Variants in SMG1 observed in about 807,000 individuals in gnomAD.
SMG1 encodes serine/threonine-protein kinase SMG1.
A neutral mutation model predicts 419.9 loss-of-function variants in SMG1; 22 were observed. That is an observed-to-expected ratio of 0.05 (90% CI 0.04 to 0.07). The LOEUF (loss-of-function observed/expected upper bound fraction) is 0.07, where lower values mean the gene tolerates loss of function less well. Among genes scored for constraint, SMG1 ranks in the 10% least tolerant of loss-of-function variants. The pLI, the probability that SMG1 is intolerant of heterozygous loss-of-function variation, is 1.00. For missense variants in SMG1, 3,185 were observed against 4,342.0 expected, an observed-to-expected ratio of 0.73 and a Z score of 7.49; for synonymous variants, 1,538 against 1,553.5, an observed-to-expected ratio of 0.99 and a Z score of 0.23.
intron 56 of SMG1, 118 bp downstream of exon 56, chr16:18,819,384 G>C: frequency 9.3e-7 from 1 of 1,078,672 alleles, no homozygotes; most frequent in Admixed American, 2.2e-5. Flanking sequence ...CCTCCTCCCA[G>C]GGCTGTGAGC....
chr16:18,882,860 C>G (rs977028032), intron 9 of SMG1, among the ~76,000 whole-genome samples: 1 of 152,096 alleles, frequency 6.6e-6, no homozygotes, highest in African/African-American at 2.4e-5. Flanking sequence ...ATACTAGAAC[C>G]AATGTATGCA....
intron 1 of SMG1, among the ~76,000 whole-genome samples, chr16:18,906,778 A>G (rs2037579223): frequency 6.6e-6 from 1 of 152,144 alleles, no homozygotes; most frequent in African/African-American, 2.4e-5. Context: ...CACTTCTTCT[A>G]GCTCCTTAAC....
chr16:18,923,158 T>C (rs149041173), intron 1 of SMG1, among the ~76,000 whole-genome samples: 13,515 of 152,210 alleles, frequency 0.089, 748 homozygotes, highest in African/African-American at 0.16. Flanking sequence ...TATAAATGCT[T>C]ACTGTTGGAG....
intron 56 of SMG1, 44 bp from the exon 57 acceptor site, chr16:18,817,514 G>A (rs372178922): frequency 2.8e-6 from 4 of 1,445,326 alleles, no homozygotes; most frequent in African/African-American, 1.4e-5. Flanking sequence ...TGGGAGGAAG[G>A]TGGGAAAGGG....
intron 58 of SMG1, 139 bp from the exon 59 acceptor site, chr16:18,815,790 G>A (rs2141108390): frequency 4.8e-6 from 3 of 629,356 alleles, no homozygotes; most frequent in Middle Eastern, 4.3e-4. Context: ...CATTTTTATA[G>A]GAACTTTGTT....
In SMG1 at chr16:18,827,538, A is replaced by G. The variant is rs1240216785; in HGVS notation, c.9741+493T>C. Among the ~76,000 whole-genome samples the G allele has an allele frequency of 2.1e-5, 3 of 145,712 alleles. 1 individual carries two copies. The highest frequency in any genetic ancestry group is 7.5e-5 in the African/African-American group (3 of 40,128). On this transcript the variant is annotated intron_variant, in intron 55 of 62. Coordinates refer to ENST00000446231, the MANE Select transcript of SMG1 (RefSeq NM_015092.5). ...ATATATCTTTGGTATAAATATACCAAAATATATTTTTTTATATATCTTTGG... is the reference window on the plus strand; with the variant it reads ...ATATATCTTTGGTATAAATATACCAGAATATATTTTTTTATATATCTTTGG...
rs539301074 is a variant in SMG1, at chr16:18,812,292, A to T, written c.10622-165T>A. 7.0e-5 allele frequency: 43 copies of T among 613,784 alleles called. No homozygotes were observed. The Admixed American group carries it at 8.9e-4, about 13-fold the overall frequency. 38.0% of individuals were successfully genotyped at this position (613,784 alleles called of 1,614,324 possible). ...AATTGTCTTCCTAAAAATGTAGCCTAAAAACAGCCAGACATTCAGGTATGA... is the reference window on the plus strand; with the variant it reads ...AATTGTCTTCCTAAAAATGTAGCCTTAAAACAGCCAGACATTCAGGTATGA... On this transcript the variant is annotated intron_variant, in intron 60 of 62. Transcript: ENST00000446231.
chr16:18,868,389 T>G, intron 21 of SMG1, 35 bp from the exon 22 acceptor site: 1 of 1,202,818 alleles, frequency 8.3e-7, no homozygotes. Flanking sequence ...TCAGGACTGG[T>G]TCAATTTGTA....
At position 18,809,534 on chromosome 16, in the gene SMG1, C is replaced by A. The variant is rs940131688; in HGVS notation, c.*35G>T. The stretch of plus-strand genomic sequence containing the variant: ...TGAGTTGATTCTGGTGGATGTCTGA[C>A]CTCGCTTAACCAGACTCATCTACTG... On this transcript the variant is annotated 3_prime_UTR_variant, in exon 63 of 63. Coordinates refer to ENST00000446231, the MANE Select transcript of SMG1 (RefSeq NM_015092.5). 17 of 1,535,692 alleles carry A rather than the reference C, an allele frequency of 1.1e-5. 1 individual carries two copies. The Admixed American group carries it at 2.8e-4, about 25-fold the overall frequency.
intron 39 of SMG1, 89 bp from the exon 40 acceptor site, chr16:18,842,543 A>T: frequency 7.4e-7 from 1 of 1,351,738 alleles, no homozygotes; most frequent in Non-Finnish European, 1.0e-6. Context: ...AGTAAATTTT[A>T]GGTCACGGCG....
At chr16:18,895,573 T>C (rs180771489) in intron 3 of SMG1, among the ~76,000 whole-genome samples, 1 of 151,598 alleles carries the variant, frequency 6.6e-6, no homozygotes, top group East Asian at 1.9e-4. Flanking sequence ...AATAGCTTAA[T>C]GGATGGTGGG....
At chr16:18,888,515 GC>G (rs956234296) in intron 6 of SMG1, among the ~76,000 whole-genome samples, 1 of 147,374 alleles carries the variant, frequency 6.8e-6, no homozygotes. Context: ...TGGCTCTGTT[GC>G]CCAGGCAATG....
In SMG1 at chr16:18,828,699, C is replaced by T. The variant is rs141370011; in HGVS notation, c.9604-531G>A. On this transcript the variant is annotated intron_variant, in intron 54 of 62. Transcript: ENST00000446231. Reference sequence around the variant, plus strand: ...CATACCTACATATGAATGAATTCAACATTAAAAACTATATTTATGCCAGGC... The same window carrying T: ...CATACCTACATATGAATGAATTCAATATTAAAAACTATATTTATGCCAGGC... Among the ~76,000 whole-genome samples, 18 of 152,294 alleles carry T rather than the reference C, an allele frequency of 1.2e-4. No individual in the cohort carries two copies. The East Asian group carries it at 3.1e-3, about 26-fold the overall frequency.
chr16:18,819,675 T>C, intron 55 of SMG1, 21 bp from the exon 56 acceptor site: 1 of 1,525,016 alleles, frequency 6.6e-7, no homozygotes, highest in Middle Eastern at 1.7e-4. Context: ...CAGCAGAATC[T>C]TGGTGAAGGT....
intron 1 of SMG1, among the ~76,000 whole-genome samples, chr16:18,909,164 G>C (rs2037697343): frequency 6.6e-6 from 1 of 151,724 alleles, no homozygotes; most frequent in Non-Finnish European, 1.5e-5. Flanking sequence ...CCAACATGGA[G>C]AAATCCTGTC....
intron 51 of SMG1, among the ~76,000 whole-genome samples, chr16:18,830,591 C>A (rs2033105675): frequency 6.6e-6 from 1 of 152,042 alleles, no homozygotes; most frequent in African/African-American, 2.4e-5. Flanking sequence ...AGTTCAAGAC[C>A]AGCCTGACCA....
chr16:18,817,245 A>T (rs747791610), intron 57 of SMG1, 46 bp downstream of exon 57: 1 of 1,493,304 alleles, frequency 6.7e-7, no homozygotes, highest in Non-Finnish European at 9.0e-7. Flanking sequence ...TTTTAATAGT[A>T]TAACACTAGC....
intron 1 of SMG1, 47 bp from the exon 2 acceptor site, chr16:18,897,003 T>C (rs761986495): frequency 1.6e-5 from 21 of 1,324,078 alleles, no homozygotes; most frequent in Non-Finnish European, 2.2e-5. Flanking sequence ...ATAACATAAA[T>C]AAATATTTCT....
At chr16:18,828,345 GA>G (rs1172978600) in intron 54 of SMG1, among the ~76,000 whole-genome samples, 177 bp from the exon 55 acceptor site, 1 of 152,172 alleles carries the variant, frequency 6.6e-6, no homozygotes, top group Non-Finnish European at 1.5e-5. Flanking sequence ...ACATCCAGGT[GA>G]AAGACTTCTT....
Sources: gnomAD v4.1 joint callset for allele counts (sites outside exome capture counted in the v4.1 genomes callset) on GRCh38, gnomAD v4.1.1 for gene constraint, MANE v1.5 for transcripts, NCBI Gene and HGNC (gene_info 2026-07-23, HGNC 2026-07-21) for gene names.